Variants in RAB3B observed in about 807,000 individuals in gnomAD.
RAB3B encodes the protein ras-related protein Rab-3B.
A neutral mutation model predicts 20.5 loss-of-function variants in RAB3B; 11 were observed. The observed-to-expected ratio is 0.54, with a 90% CI of 0.34 to 0.89. The LOEUF is 0.89. Ranked by LOEUF, RAB3B falls within the 40% of genes least tolerant of loss-of-function variation. RAB3B has a pLI of 0.02. For synonymous variants in RAB3B, 99 were observed against 106.3 expected, an observed-to-expected ratio of 0.93 and a Z score of 0.42; for missense variants, 225 against 280.9, an observed-to-expected ratio of 0.80 and a Z score of 1.42.
intron 4 of RAB3B, among the ~76,000 whole-genome samples, chr1:51,932,675 T>C (rs1295996817): frequency 6.6e-6 from 1 of 152,206 alleles, no homozygotes; most frequent in African/African-American, 2.4e-5. Context: ...AGCATATAAA[T>C]ACTCAGTGCT....
chr1:51,951,094 A>G (rs961389003), intron 2 of RAB3B, among the ~76,000 whole-genome samples: 5 of 151,090 alleles, frequency 3.3e-5, no homozygotes, highest in Non-Finnish European at 7.4e-5. Flanking sequence ...TTATTACATC[A>G]TCTTACAGGA....
At chr1:51,976,077 G>A (rs1571979214) in intron 2 of RAB3B, among the ~76,000 whole-genome samples, 1 of 151,952 alleles carries the variant, frequency 6.6e-6, no homozygotes, top group South Asian at 2.1e-4. Context: ...CTCATGAGAG[G>A]CCCCAACCAC....
intron 2 of RAB3B, among the ~76,000 whole-genome samples, chr1:51,950,558 T>C (rs1684624459): frequency 6.6e-6 from 1 of 151,204 alleles, no homozygotes; most frequent in African/African-American, 2.4e-5. Flanking sequence ...TGTGAGCTCA[T>C]ACATATCACC....
chr1:51,987,459 G>A (rs193286853), intron 1 of RAB3B, among the ~76,000 whole-genome samples: 1 of 151,970 alleles, frequency 6.6e-6, no homozygotes, highest in African/African-American at 2.4e-5. Context: ...TATATGGGAG[G>A]GTGTTTTATT....
intron 1 of RAB3B, among the ~76,000 whole-genome samples, chr1:51,982,600 A>G (rs1461931140): frequency 6.6e-6 from 1 of 152,018 alleles, no homozygotes; most frequent in Non-Finnish European, 1.5e-5. Context: ...TAAAAATACA[A>G]AAATTAGCCA....
rs141380707 is a variant in RAB3B at position 51,942,675 on chromosome 1, C to T, written c.229-5263G>A. Among the ~76,000 whole-genome samples the T allele has an allele frequency of 2.4e-3, 370 of 152,198 alleles. 1 individual carries two copies. The highest frequency in any genetic ancestry group is 7.7e-3 in the Admixed American group (118 of 15,286). ...AGCCTTAGTTTCTTTATCTATGAAG[C>T]GGGAATAATAATAATACTTCATTTT... On this transcript the variant is annotated intron_variant, in intron 2 of 4. Transcript: ENST00000371655.
intron 2 of RAB3B, among the ~76,000 whole-genome samples, chr1:51,969,474 G>A (rs1408607580): frequency 1.3e-5 from 2 of 152,166 alleles, no homozygotes; most frequent in Non-Finnish European, 2.9e-5. Context: ...AGTGAATGGT[G>A]TACGGGCTAA....
chr1:51,954,639 G>A (rs1047673561), intron 2 of RAB3B, among the ~76,000 whole-genome samples: 7 of 152,072 alleles, frequency 4.6e-5, no homozygotes, highest in African/African-American at 1.4e-4. Context: ...CTCCCTACTC[G>A]AGTGTGTGTT....
At chr1:51,940,213 C>T (rs1437866145) in intron 2 of RAB3B, among the ~76,000 whole-genome samples, 2 of 152,194 alleles carry the variant, frequency 1.3e-5, no homozygotes, top group African/African-American at 2.4e-5. Flanking sequence ...AGAACAACCA[C>T]CACCCCTGCC....
At position 51,912,125 on chromosome 1, in the gene RAB3B, T is replaced by A; in HGVS notation, c.*7802A>T. 6.8e-6 allele frequency: 1 copy of A among 148,132 alleles called. No homozygotes were observed. Among genetic ancestry groups the A allele is most frequent in the Non-Finnish European group, 1.5e-5 (1 of 67,342 alleles). The allele number at this position is 148,132 out of a possible 1,614,324, so 9.2% of individuals were successfully genotyped here. A position where few individuals can be genotyped will look rare whatever the true frequency, so the allele number is the denominator to read the frequency against. On this transcript the variant is annotated 3_prime_UTR_variant, in exon 5 of 5. Coordinates refer to ENST00000371655, the MANE Select transcript of RAB3B (RefSeq NM_002867.4). Reference sequence around the variant, plus strand: ...TTTTTTTTCTTTCTTTCTTTCTTTTTTTTTTTTTTTTGAGAGGGGGACAGG... The same window carrying A: ...TTTTTTTTCTTTCTTTCTTTCTTTTATTTTTTTTTTTGAGAGGGGGACAGG...
At chr1:51,967,594 T>G (rs1260677766) in intron 2 of RAB3B, among the ~76,000 whole-genome samples, 1 of 139,650 alleles carries the variant, frequency 7.2e-6, no homozygotes, top group African/African-American at 2.6e-5. Context: ...TGGTTATAGC[T>G]CAAGGCAGCC....
At chr1:51,959,377 T>C (rs536085199) in intron 2 of RAB3B, among the ~76,000 whole-genome samples, 21 of 152,090 alleles carry the variant, frequency 1.4e-4, no homozygotes, top group African/African-American at 5.1e-4. Flanking sequence ...CCGGGTGTGG[T>C]GGCACATACC....
intron 2 of RAB3B, among the ~76,000 whole-genome samples, chr1:51,948,963 A>G (rs1196094310): frequency 6.6e-6 from 1 of 152,200 alleles, no homozygotes; most frequent in African/African-American, 2.4e-5. Context: ...GGGTGTCTGT[A>G]ACAATTTGGA....
At chr1:51,970,563 C>T (rs746992231) in intron 2 of RAB3B, among the ~76,000 whole-genome samples, 6 of 152,136 alleles carry the variant, frequency 3.9e-5, no homozygotes, top group Middle Eastern at 3.2e-3. Flanking sequence ...TGGCCCTGCT[C>T]AGCAATGCTC....
intron 1 of RAB3B, among the ~76,000 whole-genome samples, chr1:51,978,027 G>A (rs1685032723): frequency 6.6e-6 from 1 of 151,986 alleles, no homozygotes; most frequent in African/African-American, 2.4e-5. Flanking sequence ...TCCCTTACAT[G>A]TATTCCTTCT....
At position 51,912,485 on chromosome 1, in the gene RAB3B, A is replaced by C. The variant is rs77817029; in HGVS notation, c.*7442T>G. 3.6e-4 allele frequency: 52 copies of C among 143,218 alleles called. No individual in the cohort carries two copies. In the East Asian group the frequency reaches 0.01, roughly 28 times the overall value. The allele number at this position is 143,218 out of a possible 1,614,324, so 8.9% of individuals were successfully genotyped here. A position where few individuals can be genotyped will look rare whatever the true frequency, so the allele number is the denominator to read the frequency against. On this transcript the variant is annotated 3_prime_UTR_variant, in exon 5 of 5. Transcript: ENST00000371655. ...TGACTCAGGAGGCCAAGGCAAGAGG[A>C]TCGCTTGAGGCCAGAATTTGAAACC...
At chr1:51,942,045 C>T (rs1684501792) in intron 2 of RAB3B, among the ~76,000 whole-genome samples, 1 of 152,214 alleles carries the variant, frequency 6.6e-6, no homozygotes, top group Non-Finnish European at 1.5e-5. Context: ...CTCCTATGCC[C>T]TTGCCTCTGC....
intron 2 of RAB3B, 67 bp downstream of exon 2, chr1:51,976,823 C>T (rs1685015339): frequency 1.4e-6 from 2 of 1,443,034 alleles, no homozygotes; most frequent in Non-Finnish European, 1.9e-6. Flanking sequence ...GGCCCCACCT[C>T]TAAGCCCTTG....
intron 1 of RAB3B, among the ~76,000 whole-genome samples, chr1:51,983,333 CCAT>C (rs1235932069): frequency 2.6e-5 from 4 of 151,642 alleles, no homozygotes; most frequent in Non-Finnish European, 5.9e-5. Flanking sequence ...AAAAAAAAAA[CCAT>C]CATATTTTTA....
Sources: allele counts gnomAD v4.1 joint callset (sites outside exome capture counted in the v4.1 genomes callset), GRCh38; gene constraint gnomAD v4.1.1; transcripts MANE v1.5; gene names NCBI Gene and HGNC (gene_info 2026-07-23, HGNC 2026-07-21).